The following ROBO2 variants were observed in gnomAD, a reference collection of about 807,000 sequenced individuals.
ROBO2 encodes the protein roundabout guidance receptor 2.
Under a neutral mutation model 160.8 loss-of-function variants are expected in ROBO2, and 53 were observed. That is an observed-to-expected ratio of 0.33 (90% CI 0.26 to 0.41). The LOEUF is 0.41. Ranked by LOEUF, ROBO2 falls within the 10% of genes least tolerant of loss-of-function variation. The pLI is 1.00. For missense variants in ROBO2, 1,577 were observed against 1,722.4 expected, an observed-to-expected ratio of 0.92 and a Z score of 1.49; for synonymous variants, 664 against 611.7, an observed-to-expected ratio of 1.09 and a Z score of -1.26.
chr3:76,460,543 G>T (rs2078030302), intron 2 of ROBO2, among the ~76,000 whole-genome samples: 1 of 152,162 alleles, frequency 6.6e-6, no homozygotes, highest in South Asian at 2.1e-4. Context: ...CTGACATGTT[G>T]TAAGGACATT....
At chr3:77,331,233 T>G (rs922450305) in intron 2 of ROBO2, among the ~76,000 whole-genome samples, 23 of 152,224 alleles carry the variant, frequency 1.5e-4, no homozygotes, top group Admixed American at 7.2e-4. Context: ...GGACTCAAAA[T>G]ATAAACTTTA....
intron 2 of ROBO2, among the ~76,000 whole-genome samples, chr3:77,350,464 C>T (rs1056212347): frequency 5.3e-5 from 8 of 152,166 alleles, no homozygotes; most frequent in African/African-American, 1.9e-4. Context: ...TATGGAGATG[C>T]TCTTAACATT....
At chr3:75,921,630 G>A (rs1443125574) in intron 1 of ROBO2, among the ~76,000 whole-genome samples, 1 of 152,136 alleles carries the variant, frequency 6.6e-6, no homozygotes, top group African/African-American at 2.4e-5. Flanking sequence ...CTCTGCAAAG[G>A]GTGTGTGTGT....
intron 2 of ROBO2, among the ~76,000 whole-genome samples, chr3:76,219,813 C>T (rs938197376): frequency 1.3e-5 from 2 of 152,166 alleles, no homozygotes; most frequent in Non-Finnish European, 2.9e-5. Context: ...TTGACTTAGC[C>T]ATCCCATTAC....
chr3:76,819,726 A>G (rs2065959160), intron 2 of ROBO2, among the ~76,000 whole-genome samples: 1 of 152,078 alleles, frequency 6.6e-6, no homozygotes, highest in East Asian at 1.9e-4. Flanking sequence ...TTAAGTGACC[A>G]TTGGCTTTAT....
intron 2 of ROBO2, among the ~76,000 whole-genome samples, chr3:76,998,293 T>C (rs2061142048): frequency 6.6e-6 from 1 of 151,870 alleles, no homozygotes; most frequent in Admixed American, 6.6e-5. Flanking sequence ...ATACTGAAGA[T>C]GAGAAGAACA....
intron 2 of ROBO2, among the ~76,000 whole-genome samples, chr3:77,007,153 G>A (rs1305445977): frequency 6.6e-6 from 1 of 152,022 alleles, no homozygotes; most frequent in Non-Finnish European, 1.5e-5. Flanking sequence ...TCTTCCAACT[G>A]GCATCAAAGC....
chr3:76,034,326 A>G (rs995338128), intron 2 of ROBO2, among the ~76,000 whole-genome samples: 2 of 152,158 alleles, frequency 1.3e-5, no homozygotes, highest in Non-Finnish European at 2.9e-5. Context: ...TTTTGATATA[A>G]TCTCCTTCTC....
intron 2 of ROBO2, among the ~76,000 whole-genome samples, chr3:76,927,889 A>G (rs1362366653): frequency 2.0e-5 from 3 of 152,154 alleles, no homozygotes; most frequent in Non-Finnish European, 4.4e-5. Context: ...GGAGAGGATG[A>G]CATATATAAA....
At chr3:76,683,237 A>G (rs1490661734) in intron 2 of ROBO2, among the ~76,000 whole-genome samples, 3 of 152,292 alleles carry the variant, frequency 2.0e-5, no homozygotes, top group East Asian at 3.9e-4. Context: ...CTGTAATTTA[A>G]TTACTTTGAA....
chr3:77,173,787 A>T (rs2079868716), intron 2 of ROBO2, among the ~76,000 whole-genome samples: 1 of 152,118 alleles, frequency 6.6e-6, no homozygotes, highest in African/African-American at 2.4e-5. Context: ...ACCTAAAGGG[A>T]TTAAAAGGCT....
intron 2 of ROBO2, among the ~76,000 whole-genome samples, chr3:77,467,503 C>A (rs559540535): frequency 6.6e-6 from 1 of 152,244 alleles, no homozygotes; most frequent in South Asian, 2.1e-4. Context: ...AAGCTAGAAG[C>A]AGACAGATGG....
intron 2 of ROBO2, among the ~76,000 whole-genome samples, chr3:76,144,484 T>A (rs6806658): frequency 0.35 from 53,814 of 151,844 alleles, 11,086 homozygotes; most frequent in South Asian, 0.47. Context: ...TTTCAATTAG[T>A]TATATAAAAA....
chr3:76,902,012 A>AT (rs1043347302), intron 2 of ROBO2, among the ~76,000 whole-genome samples: 1 of 151,690 alleles, frequency 6.6e-6, no homozygotes, highest in South Asian at 2.1e-4. Flanking sequence ...GTTTTATATA[A>AT]TTTTTTACTG....
intron 2 of ROBO2, among the ~76,000 whole-genome samples, chr3:76,613,671 T>G (rs944266052): frequency 6.6e-6 from 1 of 151,914 alleles, no homozygotes; most frequent in Non-Finnish European, 1.5e-5. Context: ...TATGTATTTG[T>G]AGAAAGGAGA....
chr3:76,339,749 G>C (rs1039557759), intron 2 of ROBO2, among the ~76,000 whole-genome samples: 1 of 151,894 alleles, frequency 6.6e-6, no homozygotes, highest in East Asian at 1.9e-4. Flanking sequence ...AGTTTGATTT[G>C]GGGCTTATCA....
At position 77,551,006 on chromosome 3, in the gene ROBO2, A is replaced by G. The variant is rs376367064; in HGVS notation, c.1231+17A>G. 3 of 1,611,684 alleles carry G rather than the reference A, an allele frequency of 1.9e-6. No individual in the cohort carries two copies. The African/African-American group carries it at 4.0e-5, about 22-fold the overall frequency. ...TTACTGATGGTGCGATATCTTTACT[A>G]GATTTGTCTTATGAAAACATTGATT... On this transcript the variant is annotated intron_variant, in intron 8 of 25. Coordinates refer to ENST00000461745, the Ensembl canonical transcript of ROBO2.
At chr3:77,039,531 C>T (rs1417495467), upstream of ROBO2, among the ~76,000 whole-genome samples, 3 of 152,198 alleles carry the variant, frequency 2.0e-5, no homozygotes, top group Non-Finnish European at 2.9e-5. Flanking sequence ...CCTATCCCCT[C>T]CCGAGGCGGG....
chr3:76,691,093 G>A (rs1202796932), intron 2 of ROBO2, among the ~76,000 whole-genome samples: 1 of 152,038 alleles, frequency 6.6e-6, no homozygotes, highest in Non-Finnish European at 1.5e-5. Flanking sequence ...TTTAAAGTGA[G>A]ACCTTTAACA....
Sources: allele counts gnomAD v4.1 joint callset (sites outside exome capture counted in the v4.1 genomes callset), GRCh38; gene constraint gnomAD v4.1.1; transcripts MANE v1.5; gene names NCBI Gene and HGNC (gene_info 2026-07-23, HGNC 2026-07-21).